PMP2: variants seen among roughly 807,000 people sequenced by gnomAD.
PMP2 encodes peripheral myelin protein 2, also known as myelin P2 protein.
In PMP2, 11 loss-of-function variants were observed where a neutral mutation model predicts 15.9. The ratio of observed to expected loss-of-function variants is 0.69; its 90% CI spans 0.44 to 1.14. The LOEUF (loss-of-function observed/expected upper bound fraction) is 1.14, where lower values mean the gene tolerates loss of function less well. PMP2 is among the 50% of genes most tolerant of loss of function. The pLI is 0.00. For synonymous variants in PMP2, 55 were observed against 54.1 expected, an observed-to-expected ratio of 1.02 and a Z score of -0.07; for missense variants, 151 against 154.0, an observed-to-expected ratio of 0.98 and a Z score of 0.10.
rs1044275785 is a variant in PMP2 at position 81,441,444 on chromosome 8, C to T, written c.*1954G>A. 1 of 152,024 alleles carries T rather than the reference C, an allele frequency of 6.6e-6. No homozygotes were observed. Among genetic ancestry groups the T allele is most frequent in the Non-Finnish European group, 1.5e-5 (1 of 67,962 alleles). The allele number at this position is 152,024 out of a possible 1,614,324, so 9.4% of individuals were successfully genotyped here. A position where few individuals can be genotyped will look rare whatever the true frequency, so the allele number is the denominator to read the frequency against. On this transcript the variant is annotated 3_prime_UTR_variant, in exon 4 of 4. Transcript: ENST00000256103. Reference sequence around the variant, plus strand: ...TGATGGTTGAAAAATGATGGTTTTCCAATTCCAGAACTCCTTCCACTCACA... The same window carrying T: ...TGATGGTTGAAAAATGATGGTTTTCTAATTCCAGAACTCCTTCCACTCACA...
At position 81,447,428 on chromosome 8, in the gene PMP2, G is replaced by A. The variant is rs1332027450; in HGVS notation, c.-42C>T. 3 of 1,503,312 alleles carry A rather than the reference G, an allele frequency of 2.0e-6. No individual in the cohort carries two copies. The Admixed American group carries it at 5.0e-5, about 25-fold the overall frequency. 93.1% of individuals were successfully genotyped at this position (1,503,312 alleles called of 1,614,324 possible). On this transcript the variant is annotated 5_prime_UTR_variant, in exon 1 of 4. Transcript: ENST00000256103. ...TCAACACAGTTCTAAGTGGGATTCAGAAGACTCAGATAAAATGCTGAGGCC... is the reference window on the plus strand; with the variant it reads ...TCAACACAGTTCTAAGTGGGATTCAAAAGACTCAGATAAAATGCTGAGGCC...
rs1340247239 is a variant in PMP2, at chr8:81,442,333, CCTGT to C, written c.*1061_*1064del. On this transcript the variant is annotated 3_prime_UTR_variant, in exon 4 of 4. Coordinates refer to ENST00000256103, the MANE Select transcript of PMP2 (RefSeq NM_002677.5). ...ACAATGCAATGGTCCCCCGTTCCTG[CCTGT>C]CAACAATTACTGGACCTAATGATAT... The C allele has an allele frequency of 1.3e-5, 2 of 152,450 alleles. No homozygotes were observed. Among genetic ancestry groups the C allele is most frequent in the African/African-American group, 4.8e-5 (2 of 41,416 alleles). The allele number at this position is 152,450 out of a possible 1,614,324, so 9.4% of individuals were successfully genotyped here. A position where few individuals can be genotyped will look rare whatever the true frequency, so the allele number is the denominator to read the frequency against.
chr8:81,442,161 C>T lies in PMP2; in HGVS notation c.*1237G>A, dbSNP rs558575205. ...AATTTATACCAATTCTATTCCATTTCCACATGGTTCTTTCTTGCCTTCCCT... is the reference window on the plus strand; with the variant it reads ...AATTTATACCAATTCTATTCCATTTTCACATGGTTCTTTCTTGCCTTCCCT... On this transcript the variant is annotated 3_prime_UTR_variant, in exon 4 of 4. Transcript: ENST00000256103. 1 of 152,214 alleles carries T rather than the reference C, an allele frequency of 6.6e-6. No individual in the cohort carries two copies. Among genetic ancestry groups the T allele is most frequent in the East Asian group, 1.9e-4 (1 of 5,190 alleles). The allele number at this position is 152,214 out of a possible 1,614,324, so 9.4% of individuals were successfully genotyped here. A position where few individuals can be genotyped will look rare whatever the true frequency, so the allele number is the denominator to read the frequency against.
rs138715925 is a variant in PMP2 at position 81,441,354 on chromosome 8, C to T, written c.*2044G>A. 6 of 152,242 alleles carry T rather than the reference C, an allele frequency of 3.9e-5. No homozygotes were observed. The highest frequency in any genetic ancestry group is 1.4e-4 in the African/African-American group (6 of 41,558). 9.4% of individuals were successfully genotyped at this position (152,242 alleles called of 1,614,324 possible). A position where few individuals can be genotyped will look rare whatever the true frequency, so the allele number is the denominator to read the frequency against. ...CAGACTAATACCCTAATATCCTGCTCCTAAGCGAAATTTCCCCCTAGCTTT... is the reference window on the plus strand; with the variant it reads ...CAGACTAATACCCTAATATCCTGCTTCTAAGCGAAATTTCCCCCTAGCTTT... On this transcript the variant is annotated 3_prime_UTR_variant, in exon 4 of 4. Transcript: ENST00000256103.
intron 1 of PMP2, 78 bp downstream of exon 1, chr8:81,447,236 T>G: frequency 2.8e-6 from 3 of 1,064,660 alleles, no homozygotes; most frequent in Non-Finnish European, 4.4e-6. Flanking sequence ...AGTATCCTGT[T>G]AAAAGTAGTA....
Position 81,447,201 on chromosome 8 carries a change from G to A in PMP2, c.73+113C>T, listed in dbSNP as rs1005940302. On this transcript the variant is annotated intron_variant, in intron 1 of 3. Transcript: ENST00000256103. ...AAAAGATTAATCCTAAAAGAGGATT[G>A]TACTGCAGCCTTGCAAAACTCCCCA... The A allele has an allele frequency of 1.2e-5, 9 of 739,284 alleles. 1 individual carries two copies. Among genetic ancestry groups the A allele is most frequent in the South Asian group, 7.4e-5 (5 of 67,874 alleles). The allele number at this position is 739,284 out of a possible 1,614,324, so 45.8% of individuals were successfully genotyped here.
chr8:81,440,358 G>A lies in PMP2; in HGVS notation c.*3040C>T, dbSNP rs1004545635. ...ATAGTAGAGAAATTATATTTATTGAGGAATAAATTTTATAACAAGTTGTAT... is the reference window on the plus strand; with the variant it reads ...ATAGTAGAGAAATTATATTTATTGAAGAATAAATTTTATAACAAGTTGTAT... On this transcript the variant is annotated 3_prime_UTR_variant, in exon 4 of 4. Transcript: ENST00000256103. 4.6e-5 allele frequency: 7 copies of A among 151,948 alleles called. No individual in the cohort carries two copies. Among genetic ancestry groups the A allele is most frequent in the Non-Finnish European group, 1.0e-4 (7 of 67,998 alleles). The allele number at this position is 151,948 out of a possible 1,614,324, so 9.4% of individuals were successfully genotyped here. A position where few individuals can be genotyped will look rare whatever the true frequency, so the allele number is the denominator to read the frequency against.
chr8:81,447,234 G>A (rs992565010), intron 1 of PMP2, 80 bp downstream of exon 1: 6 of 1,046,328 alleles, frequency 5.7e-6, no homozygotes, highest in Non-Finnish European at 7.5e-6. Flanking sequence ...CCAGTATCCT[G>A]TTAAAAGTAG....
chr8:81,441,489 G>A lies in PMP2; in HGVS notation c.*1909C>T, dbSNP rs184672251. 3.6e-4 allele frequency: 55 copies of A among 151,954 alleles called. No homozygotes were observed. The highest frequency in any genetic ancestry group is 1.0e-3 in the South Asian group (5 of 4,804). 9.4% of individuals were successfully genotyped at this position (151,954 alleles called of 1,614,324 possible). On this transcript the variant is annotated 3_prime_UTR_variant, in exon 4 of 4. Coordinates refer to ENST00000256103, the MANE Select transcript of PMP2 (RefSeq NM_002677.5). ...CTCACATTTAACACTGGTCCATGAC[G>A]TTCTATTGCAAAAGAGAAACCTTCT... is the stretch of plus-strand genomic sequence containing the variant.
Position 81,441,217 on chromosome 8 carries a change from G to A in PMP2, c.*2181C>T, listed in dbSNP as rs1807326049. ...ACATGTTGAACATCCACCCTTTATT[G>A]GTGAGGTTAATTTTGATAACCTAGT... On this transcript the variant is annotated 3_prime_UTR_variant, in exon 4 of 4. Transcript: ENST00000256103. The A allele has an allele frequency of 6.6e-6, 1 of 151,136 alleles. No individual in the cohort carries two copies. Among genetic ancestry groups the A allele is most frequent in the South Asian group, 2.2e-4 (1 of 4,614 alleles). The allele number at this position is 151,136 out of a possible 1,614,324, so 9.4% of individuals were successfully genotyped here.
intron 1 of PMP2, among the ~76,000 whole-genome samples, chr8:81,445,853 C>A (rs1437136921): frequency 6.6e-6 from 1 of 151,974 alleles, no homozygotes; most frequent in South Asian, 2.1e-4. Flanking sequence ...ATCCATCTAA[C>A]TTTGAGATCT....
intron 1 of PMP2, among the ~76,000 whole-genome samples, chr8:81,445,390 A>G (rs948858830): frequency 5.9e-5 from 9 of 151,824 alleles, no homozygotes; most frequent in African/African-American, 1.5e-4. Flanking sequence ...CGCCTGGCTA[A>G]TTTTTTGTAT....
Position 81,442,563 on chromosome 8 carries a change from A to G in PMP2, c.*835T>C, listed in dbSNP as rs959010164. On this transcript the variant is annotated 3_prime_UTR_variant, in exon 4 of 4. Transcript: ENST00000256103. ...AAGAAACAAACTACAGCTGCATGCA[A>G]CAATGTGGATGTATCACAAAAACAT... 7.9e-5 allele frequency: 12 copies of G among 152,566 alleles called. No individual in the cohort carries two copies. Among genetic ancestry groups the G allele is most frequent in the African/African-American group, 2.9e-4 (12 of 41,464 alleles). The allele number at this position is 152,566 out of a possible 1,614,324, so 9.5% of individuals were successfully genotyped here. A position where few individuals can be genotyped will look rare whatever the true frequency, so the allele number is the denominator to read the frequency against.
rs1453582255 is a variant in PMP2, at chr8:81,443,259, T to G, written c.*139A>C. On this transcript the variant is annotated 3_prime_UTR_variant, in exon 4 of 4. Coordinates refer to ENST00000256103, the MANE Select transcript of PMP2 (RefSeq NM_002677.5). The stretch of plus-strand genomic sequence containing the variant: ...ATAACACTGACTTTTAGATTAATTC[T>G]CAGTTTAGGCCTTTGCATATCTGAT... 4 of 541,196 alleles carry G rather than the reference T, an allele frequency of 7.4e-6. No homozygotes were observed. In the East Asian group the frequency reaches 1.2e-4, roughly 16 times the overall value. 33.5% of individuals were successfully genotyped at this position (541,196 alleles called of 1,614,324 possible).
Position 81,442,840 on chromosome 8 carries a change from A to T in PMP2, c.*558T>A, listed in dbSNP as rs1386179270. The T allele has an allele frequency of 6.6e-6, 1 of 152,102 alleles. No homozygotes were observed. The highest frequency in any genetic ancestry group is 1.5e-5 in the Non-Finnish European group (1 of 67,966). 9.4% of individuals were successfully genotyped at this position (152,102 alleles called of 1,614,324 possible). A position where few individuals can be genotyped will look rare whatever the true frequency, so the allele number is the denominator to read the frequency against. Reference sequence around the variant, plus strand: ...ACCTGTCTATAAATTATCTGTCTATAAATTATCCATTTTTACTTAACTGTC... The same window carrying T: ...ACCTGTCTATAAATTATCTGTCTATTAATTATCCATTTTTACTTAACTGTC... On this transcript the variant is annotated 3_prime_UTR_variant, in exon 4 of 4. Coordinates refer to ENST00000256103, the MANE Select transcript of PMP2 (RefSeq NM_002677.5).
rs952885595 is a variant in PMP2 at position 81,443,222 on chromosome 8, G to T, written c.*176C>A. ...TGTAATAATGACATGCATGCACATTGAAAATGTTTAAATAACACTGACTTT... is the reference window on the plus strand; with the variant it reads ...TGTAATAATGACATGCATGCACATTTAAAATGTTTAAATAACACTGACTTT... On this transcript the variant is annotated 3_prime_UTR_variant, in exon 4 of 4. Transcript: ENST00000256103. 2.0e-6 allele frequency: 1 copy of T among 490,690 alleles called. No individual in the cohort carries two copies. Among genetic ancestry groups the T allele is most frequent in the Non-Finnish European group, 3.6e-6 (1 of 280,278 alleles). The allele number at this position is 490,690 out of a possible 1,614,324, so 30.4% of individuals were successfully genotyped here. A position where few individuals can be genotyped will look rare whatever the true frequency, so the allele number is the denominator to read the frequency against.
rs754960704 is a variant in PMP2 at position 81,443,449 on chromosome 8, C to T, written c.349-1G>A. 1 of 1,591,532 alleles carries T rather than the reference C, an allele frequency of 6.3e-7. No individual in the cohort carries two copies. The highest frequency in any genetic ancestry group is 1.1e-5 in the South Asian group (1 of 87,270). On this transcript the variant is annotated splice_acceptor_variant, in intron 3 of 3. Transcript: ENST00000256103. LOFTEE classifies it high-confidence loss of function. ...ACACCACGCCCTTCATTTTACATTC[C>T]TTAAAAAAGAGAGAGGTTAATTGAG...
chr8:81,444,571 T>G lies in PMP2; in HGVS notation c.277A>C (p.Asn93His). ...SIVTLQRGSL[N>H]QVQRWDGKET... ...TTGCCATCCCATCTCTGCACTTGATTCAGTGATCCTCTCTGCAGGGTTACG... is the reference window on the plus strand; with the variant it reads ...TTGCCATCCCATCTCTGCACTTGATGCAGTGATCCTCTCTGCAGGGTTACG... The change falls in exon 3 of 4, where the codon AAT becomes CAT. Residue 93 changes from asparagine to histidine, a missense_variant. Asn to His is a moderately conservative substitution (Grantham distance 68). Transcript: ENST00000256103. 6.2e-7 allele frequency: 1 copy of G among 1,613,948 alleles called. No individual in the cohort carries two copies. The highest frequency in any genetic ancestry group is 8.5e-7 in the Non-Finnish European group (1 of 1,179,824).
Position 81,442,109 on chromosome 8 carries a change from G to C in PMP2, c.*1289C>G, listed in dbSNP as rs181928071. ...GTATGCAATTATAATACATATAAAC[G>C]TACATATACATGGTTTAGAAATTAT... is the stretch of plus-strand genomic sequence containing the variant. On this transcript the variant is annotated 3_prime_UTR_variant, in exon 4 of 4. Coordinates refer to ENST00000256103, the MANE Select transcript of PMP2 (RefSeq NM_002677.5). 29 of 152,072 alleles carry C rather than the reference G, an allele frequency of 1.9e-4. No homozygotes were observed. In the East Asian group the frequency reaches 4.6e-3, roughly 24 times the overall value. 9.4% of individuals were successfully genotyped at this position (152,072 alleles called of 1,614,324 possible). A position where few individuals can be genotyped will look rare whatever the true frequency, so the allele number is the denominator to read the frequency against.
Sources: gnomAD v4.1 joint callset for allele counts (sites outside exome capture counted in the v4.1 genomes callset) on GRCh38, gnomAD v4.1.1 for gene constraint, MANE v1.5 for transcripts, NCBI Gene and HGNC (gene_info 2026-07-23, HGNC 2026-07-21) for gene names.